ABHD17C: variants seen among roughly 807,000 people sequenced by gnomAD.
ABHD17C encodes the protein alpha/beta hydrolase domain-containing protein 17C.
ABHD17C carries 11 observed loss-of-function variants against 27.9 expected under a neutral mutation model. The ratio of observed to expected loss-of-function variants is 0.39; its 90% confidence interval spans 0.25 to 0.65. The LOEUF is 0.65. Ranked by LOEUF, ABHD17C falls within the 30% of genes least tolerant of loss-of-function variation. The pLI, the probability that ABHD17C is intolerant of heterozygous loss-of-function variation, is 0.45. For missense variants in ABHD17C, 280 were observed against 470.2 expected (o/e 0.60, Z 3.74); for synonymous variants, 233 against 209.1 (o/e 1.11, Z -0.98).
chr15:80,753,533 G>GTTTTC (rs1233360308), intron 2 of ABHD17C, among the ~76,000 whole-genome samples: 2 of 152,014 alleles, frequency 1.3e-5, no homozygotes, highest in Admixed American at 1.3e-4. Flanking sequence ...TTTTTGTTTT[G>GTTTTC]TTTTCTTTTC....
Position 80,695,451 on chromosome 15 carries a change from A to T in ABHD17C, c.22A>T (p.Met8Leu). The change falls in exon 1 of 3, where the codon ATG becomes TTG. Residue 8 changes from methionine to leucine, a missense_variant. By Grantham distance (15) the Met-to-Leu change is conservative (BLOSUM62 2). This residue lies in a region of ABHD17C where 74 missense variants were observed against 75.5 expected (regional missense o/e 0.98). Transcript: ENST00000258884. This position sits in a 1 kb window ranked among gnomAD's most constrained non-coding sequence, Gnocchi z 4.3. MPEPGPR[M>L]NGFSLGELCW... ...CCCGATGCCCGAGCCAGGCCCCAGG[A>T]TGAACGGCTTCTCGCTGGGTGAGCT... The T allele has an allele frequency of 7.3e-7, 1 of 1,367,260 alleles. No homozygotes were observed. The allele number at this position is 1,367,260 out of a possible 1,614,324, so 84.7% of individuals were successfully genotyped here.
intron 1 of ABHD17C, among the ~76,000 whole-genome samples, chr15:80,735,666 A>C (rs894098935): frequency 1.3e-5 from 2 of 152,062 alleles, no homozygotes; most frequent in Non-Finnish European, 2.9e-5. Flanking sequence ...GCCTTTCTTC[A>C]TGTTTTTAAA....
rs970751051 is a variant in ABHD17C, at chr15:80,751,057, T to C, written c.770+1365T>C. Among the ~76,000 whole-genome samples, 25 of 152,166 alleles carry C rather than the reference T, an allele frequency of 1.6e-4. 3 individuals are homozygous for C. The South Asian group carries it at 2.3e-3, about 14-fold the overall frequency. On this transcript the variant is annotated intron_variant, in intron 2 of 2. Coordinates refer to ENST00000258884, the MANE Select transcript of ABHD17C (RefSeq NM_021214.2). ...CCCCTTCATCTTTACAAGAGTCTTA[T>C]GAAGTTTGTCAGCTGGGCGTGATTG...
At chr15:80,715,686 A>C (rs1429048480) in intron 1 of ABHD17C, among the ~76,000 whole-genome samples, 1 of 152,136 alleles carries the variant, frequency 6.6e-6, no homozygotes. Context: ...TTTCACGTAC[A>C]CTCTCTTGGT....
chr15:80,723,138 A>ATGTGTGTGTGTGTGTGTGTG (rs57751486), intron 1 of ABHD17C, among the ~76,000 whole-genome samples: 65 of 125,024 alleles, frequency 5.2e-4, no homozygotes, highest in East Asian at 3.7e-3. Context: ...GTGTGTATAT[A>ATGTGTGTGTGTGTGTGTGTG]TGTGTGTGTG....
At chr15:80,701,568 A>C (rs1364788636) in intron 1 of ABHD17C, among the ~76,000 whole-genome samples, 1 of 151,592 alleles carries the variant, frequency 6.6e-6, no homozygotes, top group Non-Finnish European at 1.5e-5. Context: ...AATCCCACCT[A>C]CTCAAGAGGC....
At chr15:80,716,179 T>TA (rs968552558) in intron 1 of ABHD17C, among the ~76,000 whole-genome samples, 3 of 152,322 alleles carry the variant, frequency 2.0e-5, no homozygotes, top group African/African-American at 7.2e-5. Context: ...AGAAGGGGGT[T>TA]CTTTTATCTT....
intron 1 of ABHD17C, among the ~76,000 whole-genome samples, chr15:80,747,695 A>G (rs1337067831): frequency 1.3e-5 from 2 of 152,224 alleles, no homozygotes; most frequent in Non-Finnish European, 2.9e-5. Context: ...CAAAACCTGC[A>G]TCTGGGGGCC....
rs1204618887 is a variant in ABHD17C, at chr15:80,755,430, A to G, written c.*1060A>G. ...AGGAGATGCTTAACATTGCTATACT[A>G]CTTGTGTTGGTTAGGGGTTTGGATT... On this transcript the variant is annotated 3_prime_UTR_variant, in exon 3 of 3. Transcript: ENST00000258884. The G allele has an allele frequency of 2.0e-5, 3 of 152,080 alleles. No homozygotes were observed. The highest frequency in any genetic ancestry group is 2.0e-4 in the Admixed American group (3 of 15,276). The allele number at this position is 152,080 out of a possible 1,614,324, so 9.4% of individuals were successfully genotyped here.
chr15:80,739,469 G>C (rs1030209644), intron 1 of ABHD17C, among the ~76,000 whole-genome samples: 16 of 152,178 alleles, frequency 1.1e-4, no homozygotes, highest in African/African-American at 3.9e-4. Context: ...GATGGGGTCT[G>C]TTGGGAGCTG....
At chr15:80,736,870 AAAAC>A (rs1895138099) in intron 1 of ABHD17C, among the ~76,000 whole-genome samples, 1 of 152,224 alleles carries the variant, frequency 6.6e-6, no homozygotes, top group Non-Finnish European at 1.5e-5. Flanking sequence ...CATTAAAACA[AAAAC>A]AAACAGATTT....
At chr15:80,718,996 A>C (rs776503761) in intron 1 of ABHD17C, among the ~76,000 whole-genome samples, 2 of 152,220 alleles carry the variant, frequency 1.3e-5, no homozygotes, top group Non-Finnish European at 2.9e-5. Flanking sequence ...TTGGGGTATT[A>C]ATGGAGAATA....
At chr15:80,750,556 A>G (rs555280323) in intron 2 of ABHD17C, among the ~76,000 whole-genome samples, 3 of 152,310 alleles carry the variant, frequency 2.0e-5, no homozygotes, top group African/African-American at 7.2e-5. Context: ...GCTGGAAAAA[A>G]AATAAAAGAT....
intron 1 of ABHD17C, among the ~76,000 whole-genome samples, chr15:80,732,300 G>A (rs1016269140): frequency 2.0e-5 from 3 of 152,178 alleles, no homozygotes; most frequent in South Asian, 2.1e-4. Flanking sequence ...TCAATTCAGC[G>A]ATGCTTCTGC....
intron 2 of ABHD17C, among the ~76,000 whole-genome samples, chr15:80,752,685 C>T (rs545159911): frequency 2.6e-5 from 4 of 152,294 alleles, no homozygotes; most frequent in South Asian, 2.1e-4. Flanking sequence ...TTTGTAACTT[C>T]GACTAGGATC....
intron 1 of ABHD17C, among the ~76,000 whole-genome samples, chr15:80,747,437 A>T (rs1895304593): frequency 6.6e-6 from 1 of 152,074 alleles, no homozygotes; most frequent in South Asian, 2.1e-4. Context: ...TGCTGGGGAG[A>T]TCCCTGGGAC....
intron 1 of ABHD17C, among the ~76,000 whole-genome samples, chr15:80,734,002 T>TA (rs1895092507): frequency 2.0e-5 from 3 of 150,558 alleles, no homozygotes; most frequent in Non-Finnish European, 2.9e-5. Context: ...TTTATTTTTT[T>TA]AAAACAGGGT....
At chr15:80,745,266 T>A (rs1895267012) in intron 1 of ABHD17C, among the ~76,000 whole-genome samples, 1 of 152,224 alleles carries the variant, frequency 6.6e-6, no homozygotes. Context: ...CTTGCTTTTC[T>A]TTATAGGCTT....
At chr15:80,731,981 T>A (rs750254022) in intron 1 of ABHD17C, among the ~76,000 whole-genome samples, 1 of 152,240 alleles carries the variant, frequency 6.6e-6, no homozygotes, top group Non-Finnish European at 1.5e-5. Flanking sequence ...GAACTTCATC[T>A]TCTCAAACTG....
Sources: gnomAD v4.1 joint callset for allele counts (sites outside exome capture counted in the v4.1 genomes callset) on GRCh38, gnomAD v4.1.1 for gene constraint, gnomAD v4.1.1 regional missense constraint, Gnocchi (gnomAD v3.1) non-coding constraint, MANE v1.5 for transcripts, NCBI Gene and HGNC (gene_info 2026-07-23, HGNC 2026-07-21) for gene names.